NEK11: variants seen among roughly 807,000 people sequenced by gnomAD.
NEK11 encodes NIMA related kinase 11.
A neutral mutation model predicts 80.7 loss-of-function variants in NEK11; 72 were observed. The observed-to-expected ratio is 0.89, with a 90% CI of 0.74 to 1.08. The LOEUF (loss-of-function observed/expected upper bound fraction) is 1.08, where lower values mean the gene tolerates loss of function less well. Among genes scored for constraint, NEK11 ranks in the 50% least tolerant of loss-of-function variants. The pLI is 0.00. For missense variants in NEK11, 764 were observed against 763.6 expected, an observed-to-expected ratio of 1.00 and a Z score of -0.01; for synonymous variants, 251 against 260.7, an observed-to-expected ratio of 0.96 and a Z score of 0.36.
intron 16 of NEK11, among the ~76,000 whole-genome samples, chr3:131,271,300 C>G (rs896175104): frequency 6.6e-6 from 1 of 152,142 alleles, no homozygotes; most frequent in Admixed American, 6.6e-5. Context: ...CAAGGTTTGT[C>G]CCTGTTAATC....
chr3:131,338,265 GGTTTTTTTTTTTTTT>G (rs1169210430), intron 17 of NEK11, among the ~76,000 whole-genome samples: 3 of 91,608 alleles, frequency 3.3e-5, no homozygotes, highest in South Asian at 8.1e-4. Flanking sequence ...GCGCCCAGCT[GGTTTTTTTTTTTTTT>G]TTTTTTTTTT....
At chr3:131,263,266 A>G (rs774406511) in intron 16 of NEK11, among the ~76,000 whole-genome samples, 2 of 152,004 alleles carry the variant, frequency 1.3e-5, no homozygotes, top group Non-Finnish European at 2.9e-5. Flanking sequence ...AATTCTTACC[A>G]ATGAGTGAGA....
At chr3:131,330,925 A>AGGG (rs2097067218) in intron 17 of NEK11, 2 of 123,618 alleles carry the variant, frequency 1.6e-5, no homozygotes, top group Non-Finnish European at 3.3e-5. Flanking sequence ...AGAGAGAAGG[A>AGGG]AGGGGGGGGG....
chr3:131,091,660 C>T (rs1036564878), intron 4 of NEK11, among the ~76,000 whole-genome samples: 16 of 152,208 alleles, frequency 1.1e-4, no homozygotes, highest in Non-Finnish European at 1.5e-4. Context: ...ATGTGAAAAG[C>T]AGCATTGCAG....
intron 4 of NEK11, among the ~76,000 whole-genome samples, chr3:131,105,658 A>G (rs1388709987): frequency 6.6e-6 from 1 of 152,180 alleles, no homozygotes; most frequent in Non-Finnish European, 1.5e-5. Context: ...TAAAACCATC[A>G]GATCTTCTGA....
At chr3:131,316,645 CT>C (rs1237840333) in intron 17 of NEK11, among the ~76,000 whole-genome samples, 1 of 151,976 alleles carries the variant, frequency 6.6e-6, no homozygotes, top group Non-Finnish European at 1.5e-5. Flanking sequence ...TTTGTTTTTG[CT>C]TTTTTTGTTG....
chr3:131,321,175 T>G (rs1194175298), intron 17 of NEK11, among the ~76,000 whole-genome samples: 1 of 152,066 alleles, frequency 6.6e-6, no homozygotes, highest in African/African-American at 2.4e-5. Flanking sequence ...TGGAACAGAA[T>G]AGAGAACCCA....
At chr3:131,140,898 G>T (rs933900557) in intron 7 of NEK11, among the ~76,000 whole-genome samples, 1 of 151,972 alleles carries the variant, frequency 6.6e-6, no homozygotes, top group Non-Finnish European at 1.5e-5. Flanking sequence ...CCCTAGCACT[G>T]GACCATCTGA....
At chr3:131,242,502 G>A (rs1010314397) in intron 15 of NEK11, among the ~76,000 whole-genome samples, 1 of 152,102 alleles carries the variant, frequency 6.6e-6, no homozygotes, top group Non-Finnish European at 1.5e-5. Context: ...GTTCCAATCA[G>A]CAGCATAATT....
intron 5 of NEK11, among the ~76,000 whole-genome samples, chr3:131,117,272 G>A (rs140818416): frequency 4.9e-5 from 6 of 123,262 alleles, no homozygotes; most frequent in Non-Finnish European, 8.0e-5. Context: ...GTTTGTCAAA[G>A]ATCAGATAGT....
intron 14 of NEK11, among the ~76,000 whole-genome samples, chr3:131,213,800 A>C (rs2094717726): frequency 6.6e-6 from 1 of 152,164 alleles, no homozygotes; most frequent in South Asian, 2.1e-4. Context: ...TCATGTGCAC[A>C]CTGGTTGTAA....
chr3:131,152,665 G>A lies in NEK11; in HGVS notation c.832G>A (p.Ala278Thr). 6.2e-7 allele frequency: 1 copy of A among 1,613,740 alleles called. No individual in the cohort carries two copies. The highest frequency in any genetic ancestry group is 1.1e-5 in the South Asian group (1 of 91,022). ...LNKNPSLRPS[A>T]IEILKIPYLD... The stretch of plus-strand genomic sequence containing the variant: ...CAAGAATCCTTCATTAAGACCATCT[G>A]CTATCGAAATTTTAAAAATCCCTTA... Residue 278 changes from alanine (A) to threonine (T), a missense_variant, in exon 9 of 18, where the codon GCT (alanine) becomes ACT (threonine). Physicochemically the swap from Ala to Thr is moderately conservative, Grantham distance 58 (BLOSUM62 0). Coordinates refer to ENST00000383366, the MANE Select transcript of NEK11 (RefSeq NM_024800.5).
chr3:131,116,738 A>AT (rs2081297649), intron 5 of NEK11, among the ~76,000 whole-genome samples: 1 of 152,016 alleles, frequency 6.6e-6, no homozygotes, highest in Non-Finnish European at 1.5e-5. Flanking sequence ...GATGATGAGC[A>AT]TTTTTTCATG....
chr3:131,171,879 A>G (rs776824141), intron 14 of NEK11, among the ~76,000 whole-genome samples: 5 of 152,220 alleles, frequency 3.3e-5, no homozygotes, highest in Non-Finnish European at 5.9e-5. Flanking sequence ...GGATGAATAC[A>G]TGAGTGAATG....
chr3:131,116,693 T>C (rs922600783), intron 5 of NEK11, among the ~76,000 whole-genome samples: 11 of 152,268 alleles, frequency 7.2e-5, no homozygotes, highest in Admixed American at 3.3e-4. Context: ...TGGTATCTCA[T>C]TGTGGTTTTG....
intron 4 of NEK11, among the ~76,000 whole-genome samples, chr3:131,088,671 C>T (rs1365125408): frequency 6.6e-6 from 1 of 151,922 alleles, no homozygotes; most frequent in East Asian, 1.9e-4. Flanking sequence ...ATTTCTTATT[C>T]ATCTACATTT....
intron 14 of NEK11, among the ~76,000 whole-genome samples, chr3:131,198,724 T>C (rs1179184001): frequency 1.3e-5 from 2 of 152,180 alleles, no homozygotes; most frequent in African/African-American, 4.8e-5. Flanking sequence ...TTCTGTGACT[T>C]ATAAAGAAAA....
At chr3:131,338,703 T>A (rs926652106) in intron 17 of NEK11, among the ~76,000 whole-genome samples, 3 of 152,220 alleles carry the variant, frequency 2.0e-5, no homozygotes, top group African/African-American at 7.2e-5. Context: ...TTTAGATGAA[T>A]CTCAAAGATG....
rs558284225 is a variant in NEK11, at chr3:131,098,986, G to A, written c.337-10817G>A. 2.0e-5 allele frequency among the ~76,000 whole-genome samples: 3 copies of A among 152,040 alleles called. No individual in the cohort carries two copies. In the East Asian group the frequency reaches 5.8e-4, roughly 29 times the overall value. On this transcript the variant is annotated intron_variant, in intron 4 of 17. Transcript: ENST00000383366. ...GTGCAGATGCTCTTTCATTTAATTA[G>A]GTCCCACTTGTTTTGTTTTAGTTGC...
Sources: gnomAD v4.1 joint callset for allele counts (sites outside exome capture counted in the v4.1 genomes callset) on GRCh38, gnomAD v4.1.1 for gene constraint, MANE v1.5 for transcripts, NCBI Gene and HGNC (gene_info 2026-07-23, HGNC 2026-07-21) for gene names.